The following HSF5 variants were observed in gnomAD, a reference collection of about 807,000 sequenced individuals.
HSF5 encodes heat shock transcription factor 5, also known as heat shock factor protein 5.
Under a neutral mutation model 50.8 loss-of-function variants are expected in HSF5, and 5 were observed. That is an observed-to-expected ratio of 0.10 (90% CI 0.05 to 0.21). The LOEUF is 0.21. Ranked by LOEUF, HSF5 falls within the 10% of genes least tolerant of loss-of-function variation. The probability of loss-of-function intolerance (pLI) is 1.00; values close to 1 mark genes in which losing one functional copy is unlikely to be tolerated. For missense variants in HSF5, 564 were observed against 762.6 expected (o/e 0.74, Z 3.07); for synonymous variants, 307 against 307.4 (o/e 1.00, Z 0.02).
chr17:58,486,054 G>A (rs188697985), intron 1 of HSF5, among the ~76,000 whole-genome samples: 1 of 148,080 alleles, frequency 6.8e-6, no homozygotes, highest in East Asian at 2.0e-4. Flanking sequence ...GGGCAACACA[G>A]TGAGACTTAA....
intron 5 of HSF5, among the ~76,000 whole-genome samples, chr17:58,431,406 C>A (rs1376226434): frequency 2.0e-5 from 3 of 152,068 alleles, no homozygotes; most frequent in African/African-American, 7.2e-5. Context: ...AGAAAAGGTA[C>A]CATAAAACTA....
In HSF5 at chr17:58,463,289, C is replaced by T. The variant is rs1477786824; in HGVS notation, c.1035G>A (p.Gln345=). The change falls in exon 4 of 6, where the codon CAG becomes CAA. Residue 345 remains glutamine (Q), a synonymous_variant. Coordinates refer to ENST00000323777, the MANE Select transcript of HSF5 (RefSeq NM_001080439.3). ...HCNYFQNPSM[Q]SSYPVEFLPS... is the part of the protein sequence containing the mutation. Reference sequence around the variant, plus strand: ...GCAAAAATTCAACTGGATAGGAGGACTGCATTGAAGGATTCTGGGAAAAGA... The same window carrying T: ...GCAAAAATTCAACTGGATAGGAGGATTGCATTGAAGGATTCTGGGAAAAGA... 1.2e-6 allele frequency: 2 copies of T among 1,612,362 alleles called. No individual in the cohort carries two copies. Among genetic ancestry groups the T allele is most frequent in the Non-Finnish European group, 1.7e-6 (2 of 1,178,852 alleles).
intron 4 of HSF5, among the ~76,000 whole-genome samples, chr17:58,459,521 C>G (rs1238966143): frequency 2.6e-5 from 4 of 151,782 alleles, no homozygotes; most frequent in African/African-American, 4.8e-5. Flanking sequence ...GTAGCAGGTG[C>G]CTGTAATCCC....
chr17:58,468,280 C>T (rs530372010), intron 2 of HSF5, among the ~76,000 whole-genome samples: 3 of 152,232 alleles, frequency 2.0e-5, no homozygotes, highest in African/African-American at 7.2e-5. Flanking sequence ...TGTTTGTAGT[C>T]CCAGCTACTC....
At chr17:58,449,260 G>A (rs1006427788) in intron 5 of HSF5, among the ~76,000 whole-genome samples, 10 of 152,128 alleles carry the variant, frequency 6.6e-5, no homozygotes, top group African/African-American at 2.4e-4. Context: ...CTAACAAAAT[G>A]GCAGTAATAA....
intron 1 of HSF5, among the ~76,000 whole-genome samples, chr17:58,485,515 G>A (rs1267446002): frequency 6.6e-6 from 1 of 152,014 alleles, no homozygotes; most frequent in Non-Finnish European, 1.5e-5. Context: ...CAGAGGCCAA[G>A]GTGGGCAGAT....
intron 3 of HSF5, among the ~76,000 whole-genome samples, chr17:58,465,067 C>T (rs1974842833): frequency 6.6e-6 from 1 of 151,348 alleles, no homozygotes; most frequent in Admixed American, 6.6e-5. Flanking sequence ...GATCCTCCCA[C>T]CTCAGCCTCC....
chr17:58,479,610 A>G (rs547541329), intron 2 of HSF5, among the ~76,000 whole-genome samples: 1 of 152,166 alleles, frequency 6.6e-6, no homozygotes, highest in African/African-American at 2.4e-5. Flanking sequence ...GCCTTGGGGT[A>G]CTAAGTCTTA....
chr17:58,459,664 G>T (rs1023495850), intron 4 of HSF5, among the ~76,000 whole-genome samples: 3 of 150,446 alleles, frequency 2.0e-5, no homozygotes, highest in Admixed American at 6.6e-5. Flanking sequence ...AAAAAAAAAG[G>T]TTTTTTTGTA....
intron 5 of HSF5, among the ~76,000 whole-genome samples, chr17:58,427,515 G>A (rs1167247604): frequency 6.6e-6 from 1 of 152,032 alleles, no homozygotes; most frequent in Non-Finnish European, 1.5e-5. Flanking sequence ...CTTTAGAGGA[G>A]GATTTCATGA....
intron 2 of HSF5, among the ~76,000 whole-genome samples, chr17:58,478,864 CAAA>C (rs11363228): frequency 1.0e-4 from 10 of 95,392 alleles, no homozygotes; most frequent in African/African-American, 1.1e-4. Context: ...ACTCCATCTC[CAAA>C]AAAAAAAAAA....
At chr17:58,466,733 C>CTT in intron 3 of HSF5, 152 bp downstream of exon 3, 30 of 491,762 alleles carry the variant, frequency 6.1e-5, no homozygotes, top group Non-Finnish European at 8.1e-5. Context: ...TCAATTCTCT[C>CTT]TTTTTTTTTT....
chr17:58,484,135 A>C (rs1975135469), intron 1 of HSF5, among the ~76,000 whole-genome samples: 2 of 152,152 alleles, frequency 1.3e-5, no homozygotes, highest in Admixed American at 1.3e-4. Context: ...TCCCTAGTGA[A>C]CCAAACCTAT....
Position 58,468,407 on chromosome 17 carries a change from T to A in HSF5, c.926-1428A>T, listed in dbSNP as rs1974900441. The stretch of plus-strand genomic sequence containing the variant: ...AGTAAGACTCTATGTACAAAAAAAA[T>A]TTACATATATATATATCTCACAATA... On this transcript the variant is annotated intron_variant, in intron 2 of 5. Coordinates refer to ENST00000323777, the MANE Select transcript of HSF5 (RefSeq NM_001080439.3). Among the ~76,000 whole-genome samples the A allele has an allele frequency of 2.6e-5, 4 of 152,062 alleles. No homozygotes were observed. In the South Asian group the frequency reaches 8.3e-4, roughly 32 times the overall value.
At chr17:58,426,586 C>T (rs1366564674) in intron 5 of HSF5, among the ~76,000 whole-genome samples, 1 of 152,162 alleles carries the variant, frequency 6.6e-6, no homozygotes, top group Non-Finnish European at 1.5e-5. Flanking sequence ...AAATCTCATC[C>T]ATAATCCAAT....
intron 5 of HSF5, among the ~76,000 whole-genome samples, chr17:58,450,338 C>CA (rs758990551): frequency 0.041 from 2,148 of 51,768 alleles, 169 homozygotes; most frequent in African/African-American, 0.13. Context: ...GACTTTGTCT[C>CA]AAAAAAAAAA....
chr17:58,484,643 G>A (rs978829126), intron 1 of HSF5, among the ~76,000 whole-genome samples: 2 of 150,662 alleles, frequency 1.3e-5, no homozygotes, highest in African/African-American at 4.9e-5. Context: ...CCATGGTATT[G>A]TCTCCATTGC....
chr17:58,428,213 C>T (rs1452168578), intron 5 of HSF5, among the ~76,000 whole-genome samples: 2 of 152,094 alleles, frequency 1.3e-5, no homozygotes, highest in Non-Finnish European at 2.9e-5. Context: ...GCTATGGGTA[C>T]AATCAAGATA....
chr17:58,467,387 T>C (rs1437788244), intron 2 of HSF5, among the ~76,000 whole-genome samples: 1 of 152,184 alleles, frequency 6.6e-6, no homozygotes, highest in African/African-American at 2.4e-5. Context: ...AAGAGTAAAA[T>C]AACTATGAAG....
Sources: gnomAD v4.1 joint callset for allele counts (sites outside exome capture counted in the v4.1 genomes callset) on GRCh38, gnomAD v4.1.1 for gene constraint, MANE v1.5 for transcripts, NCBI Gene and HGNC (gene_info 2026-07-23, HGNC 2026-07-21) for gene names.